The following ATP9A variants were observed in gnomAD, a reference collection of about 807,000 sequenced individuals.
ATP9A encodes ATPase phospholipid transporting 9A, also known as probable phospholipid-transporting ATPase IIA.
In ATP9A, 52 loss-of-function variants were observed where a neutral mutation model predicts 144.1. The observed-to-expected ratio is 0.36, with a 90% CI of 0.29 to 0.45. ATP9A has a LOEUF of 0.45. Among genes scored for constraint, ATP9A ranks in the 20% least tolerant of loss-of-function variants. ATP9A has a pLI of 1.00. For synonymous variants in ATP9A, 582 were observed against 557.4 expected, an observed-to-expected ratio of 1.04 and a Z score of -0.62; for missense variants, 947 against 1,392.7, an observed-to-expected ratio of 0.68 and a Z score of 5.09.
chr20:51,608,444 AAGC>A, intron 25 of ATP9A, 71 bp downstream of exon 25: 1 of 965,018 alleles, frequency 1.0e-6, no homozygotes, highest in Non-Finnish European at 1.7e-6. Context: ...CAAAGAAAAA[AAGC>A]AGGGAGGGAG....
rs1199729576 is a variant in ATP9A, at chr20:51,691,848, A to C, written c.643-1029T>G. 2.6e-5 allele frequency among the ~76,000 whole-genome samples: 4 copies of C among 152,228 alleles called. No homozygotes were observed. The East Asian group carries it at 7.7e-4, about 29-fold the overall frequency. ...GCCAGGAAGTGGAAGCAACTCAAAC[A>C]AGCATCAGTGGATGAATGGATAAAC... On this transcript the variant is annotated intron_variant, in intron 7 of 27. Transcript: ENST00000338821.
intron 22 of ATP9A, among the ~76,000 whole-genome samples, chr20:51,614,832 G>T (rs6021324): frequency 0.014 from 2,190 of 152,030 alleles, 53 homozygotes; most frequent in African/African-American, 0.05. Flanking sequence ...CAAAACACCC[G>T]CTAACCAAAC....
At chr20:51,757,155 G>C (rs1416825789) in intron 1 of ATP9A, among the ~76,000 whole-genome samples, 1 of 152,034 alleles carries the variant, frequency 6.6e-6, no homozygotes, top group Admixed American at 6.6e-5. Flanking sequence ...CCATAACAGG[G>C]AATCATCAAA....
At chr20:51,753,478 C>CAAAA (rs1269099888) in intron 1 of ATP9A, among the ~76,000 whole-genome samples, 10 of 149,744 alleles carry the variant, frequency 6.7e-5, no homozygotes, top group African/African-American at 2.5e-4. Flanking sequence ...ACAACAACAA[C>CAAAA]AACAACAACA....
intron 1 of ATP9A, among the ~76,000 whole-genome samples, chr20:51,747,531 A>G (rs969590278): frequency 1.3e-5 from 2 of 152,178 alleles, no homozygotes; most frequent in Admixed American, 6.6e-5. Flanking sequence ...GGCAAGAAAC[A>G]TGTAATTTAT....
chr20:51,608,919 A>T (rs1276341459), intron 24 of ATP9A, among the ~76,000 whole-genome samples: 2 of 48,218 alleles, frequency 4.1e-5, no homozygotes, highest in African/African-American at 8.0e-5. Flanking sequence ...AGAGGAAATA[A>T]GACGTGTGTG....
chr20:51,689,944 C>G (rs2077539626), intron 8 of ATP9A, among the ~76,000 whole-genome samples: 1 of 150,320 alleles, frequency 6.7e-6, no homozygotes, highest in East Asian at 2.0e-4. Context: ...AACCCCGTCT[C>G]TACTAAAAAT....
chr20:51,726,555 T>A (rs963697696), intron 2 of ATP9A, among the ~76,000 whole-genome samples: 2 of 152,062 alleles, frequency 1.3e-5, no homozygotes, highest in Non-Finnish European at 2.9e-5. Context: ...CACAGGGGCA[T>A]CAACTATGTT....
chr20:51,678,473 C>T (rs2077486549), intron 9 of ATP9A, among the ~76,000 whole-genome samples: 1 of 152,192 alleles, frequency 6.6e-6, no homozygotes, highest in Non-Finnish European at 1.5e-5. Flanking sequence ...CTAACACACT[C>T]AGCCAGGCAA....
At chr20:51,678,773 A>C (rs1487787900) in intron 9 of ATP9A, among the ~76,000 whole-genome samples, 2 of 152,188 alleles carry the variant, frequency 1.3e-5, no homozygotes. Flanking sequence ...GGGACCCCAA[A>C]GGGAGTGCCC....
At chr20:51,714,660 G>A (rs1292625132) in intron 3 of ATP9A, among the ~76,000 whole-genome samples, 5 of 152,118 alleles carry the variant, frequency 3.3e-5, no homozygotes, top group Middle Eastern at 3.2e-3. Context: ...GAGCCACCAC[G>A]CCCAGCAGAG....
rs536800754 is a variant in ATP9A at position 51,637,293 on chromosome 20, A to G, written c.1668+2050T>C. 3.9e-3 allele frequency among the ~76,000 whole-genome samples: 510 copies of G among 129,126 alleles called. 2 individuals carry two copies. The highest frequency in any genetic ancestry group is 6.1e-3 in the Non-Finnish European group (386 of 63,142). 84.7% of individuals were successfully genotyped at this position (129,126 alleles called of 152,430 possible). A position where few individuals can be genotyped will look rare whatever the true frequency, so the allele number is the denominator to read the frequency against. ...TTTATTTTAAGTATCTTATTTGATA[A>G]CTTCCCTAACATTAAAAAAAAAAAA... is the stretch of plus-strand genomic sequence containing the variant. On this transcript the variant is annotated intron_variant, in intron 15 of 27. Transcript: ENST00000338821.
At chr20:51,616,783 C>G (rs1355542797) in intron 22 of ATP9A, among the ~76,000 whole-genome samples, 1 of 152,152 alleles carries the variant, frequency 6.6e-6, no homozygotes, top group African/African-American at 2.4e-5. Flanking sequence ...AAAATTATAC[C>G]TGCCAAGGCC....
intron 1 of ATP9A, among the ~76,000 whole-genome samples, chr20:51,741,034 T>TTAATTAATTAAAAATTAATTTTAA (rs1568843750): frequency 6.7e-6 from 1 of 148,442 alleles, no homozygotes; most frequent in African/African-American, 2.5e-5. Flanking sequence ...TAAATTTTAA[T>TTAATTAATTAAAAATTAATTTTAA]TTAATTAATT....
intron 11 of ATP9A, 62 bp from the exon 12 acceptor site, chr20:51,671,319 T>C (rs772555400): frequency 5.3e-5 from 83 of 1,566,872 alleles, no homozygotes; most frequent in Non-Finnish European, 7.0e-5. Context: ...TGTATCTTTA[T>C]AAAAACATGG....
At chr20:51,687,737 C>G (rs556439390) in intron 9 of ATP9A, among the ~76,000 whole-genome samples, 5 of 149,974 alleles carry the variant, frequency 3.3e-5, no homozygotes, top group African/African-American at 1.2e-4. Context: ...GCACTCCAGC[C>G]TGGGCAACAG....
intron 15 of ATP9A, among the ~76,000 whole-genome samples, chr20:51,635,432 T>G (rs1000652669): frequency 1.3e-5 from 2 of 152,008 alleles, no homozygotes; most frequent in African/African-American, 2.4e-5. Context: ...AACCATCAGA[T>G]AGCAAATAGA....
At chr20:51,686,985 A>T (rs1383615691) in intron 9 of ATP9A, among the ~76,000 whole-genome samples, 1 of 152,064 alleles carries the variant, frequency 6.6e-6, no homozygotes, top group Non-Finnish European at 1.5e-5. Context: ...GACAGATGCA[A>T]ATATGACCAC....
intron 4 of ATP9A, among the ~76,000 whole-genome samples, chr20:51,705,797 C>T (rs773241437): frequency 1.2e-4 from 18 of 152,172 alleles, no homozygotes; most frequent in Non-Finnish European, 2.6e-4. Flanking sequence ...AATTCCTTCA[C>T]TAATTATTCT....
Sources: gnomAD v4.1 joint callset for allele counts (sites outside exome capture counted in the v4.1 genomes callset) on GRCh38, gnomAD v4.1.1 for gene constraint, MANE v1.5 for transcripts, NCBI Gene and HGNC (gene_info 2026-07-23, HGNC 2026-07-21) for gene names.